Variants in L2HGDH observed in about 807,000 individuals in gnomAD.
L2HGDH encodes the protein L-2-hydroxyglutarate dehydrogenase, mitochondrial.
A neutral mutation model predicts 51.5 loss-of-function variants in L2HGDH; 34 were observed. The observed-to-expected ratio is 0.66, with a 90% CI of 0.50 to 0.88. L2HGDH has a LOEUF of 0.88. L2HGDH is among the 40% of genes least tolerant of loss of function. The pLI is 0.00. For missense variants in L2HGDH, 558 were observed against 571.9 expected (o/e 0.98, Z 0.25); for synonymous variants, 198 against 197.9 (o/e 1.00, Z -0.01).
At chr14:50,293,998 C>T (rs2029889463) in intron 4 of L2HGDH, 117 bp downstream of exon 4, 1 of 1,217,028 alleles carries the variant, frequency 8.2e-7, no homozygotes, top group African/African-American at 1.5e-5. Context: ...TTCACTACTT[C>T]TGTGACAGGA....
chr14:50,295,725 C>T (rs1472474702), intron 3 of L2HGDH, among the ~76,000 whole-genome samples: 1 of 145,950 alleles, frequency 6.9e-6, no homozygotes, highest in Non-Finnish European at 1.5e-5. Flanking sequence ...TCCAGCCCTA[C>T]AATTTTTTTT....
intron 6 of L2HGDH, among the ~76,000 whole-genome samples, chr14:50,276,049 C>G (rs934214498): frequency 2.0e-5 from 3 of 152,164 alleles, no homozygotes; most frequent in Non-Finnish European, 4.4e-5. Flanking sequence ...TCCTGACTCT[C>G]AAGAAAATGA....
At chr14:50,249,470 G>A (rs1888209204) in intron 9 of L2HGDH, among the ~76,000 whole-genome samples, 1 of 152,224 alleles carries the variant, frequency 6.6e-6, no homozygotes, top group Non-Finnish European at 1.5e-5. Flanking sequence ...CTCAGCCACA[G>A]TAGGATATGG....
At chr14:50,295,706 G>A (rs1399340729) in intron 3 of L2HGDH, among the ~76,000 whole-genome samples, 2 of 145,328 alleles carry the variant, frequency 1.4e-5, no homozygotes, top group African/African-American at 5.1e-5. Flanking sequence ...ACAGGCATAA[G>A]CCACTGAGTC....
At chr14:50,275,342 A>G (rs1346195818) in intron 6 of L2HGDH, among the ~76,000 whole-genome samples, 1 of 152,224 alleles carries the variant, frequency 6.6e-6, no homozygotes, top group Non-Finnish European at 1.5e-5. Context: ...ATAGCAACAG[A>G]GCCACTGATG....
intron 3 of L2HGDH, among the ~76,000 whole-genome samples, chr14:50,301,148 C>T (rs1350948475): frequency 6.6e-6 from 1 of 152,084 alleles, no homozygotes; most frequent in Non-Finnish European, 1.5e-5. Context: ...ACTAGGATGG[C>T]TAAAATAGAA....
chr14:50,258,711 G>A (rs971883956), intron 9 of L2HGDH, among the ~76,000 whole-genome samples: 2 of 151,870 alleles, frequency 1.3e-5, no homozygotes, highest in Non-Finnish European at 2.9e-5. Context: ...ATGGGGTCTT[G>A]CTATATTGTC....
chr14:50,289,682 T>A (rs886883069), intron 4 of L2HGDH, among the ~76,000 whole-genome samples: 4 of 152,212 alleles, frequency 2.6e-5, no homozygotes, highest in Non-Finnish European at 5.9e-5. Context: ...CAAAAAAGCA[T>A]ATAATAATAT....
intron 6 of L2HGDH, among the ~76,000 whole-genome samples, chr14:50,271,072 A>G (rs1395694391): frequency 6.6e-6 from 1 of 151,850 alleles, no homozygotes; most frequent in East Asian, 1.9e-4. Flanking sequence ...GGCTCACTAC[A>G]GCCTCAACCT....
chr14:50,277,758 G>T (rs1162822610), intron 6 of L2HGDH, among the ~76,000 whole-genome samples: 2 of 147,324 alleles, frequency 1.4e-5, no homozygotes, highest in African/African-American at 2.5e-5. Flanking sequence ...GGGCGACACA[G>T]TGAGACTCCG....
chr14:50,270,055 A>C (rs922602632), intron 6 of L2HGDH, among the ~76,000 whole-genome samples: 3 of 152,154 alleles, frequency 2.0e-5, no homozygotes, highest in African/African-American at 7.2e-5. Flanking sequence ...GCCCAGTTGC[A>C]ACTGTAACCT....
chr14:50,305,956 T>C (rs2030696598), intron 1 of L2HGDH, among the ~76,000 whole-genome samples: 1 of 152,214 alleles, frequency 6.6e-6, no homozygotes, highest in Non-Finnish European at 1.5e-5. Context: ...AATTGTGTTA[T>C]TTTTTACTGT....
At chr14:50,287,151 C>T in intron 4 of L2HGDH, 1 of 976,000 alleles carries the variant, frequency 1.0e-6, no homozygotes, top group Non-Finnish European at 1.2e-6. Flanking sequence ...ATTACCTATG[C>T]ACACATATCT....
At position 50,303,284 on chromosome 14, in the gene L2HGDH, T is replaced by A. The variant is rs188629530; in HGVS notation, c.141-267A>T. Among the ~76,000 whole-genome samples the A allele has an allele frequency of 2.5e-3, 382 of 151,492 alleles. 2 individuals are homozygous for A. In the Middle Eastern group the frequency reaches 0.062, roughly 25 times the overall value. On this transcript the variant is annotated intron_variant, in intron 1 of 9. Coordinates refer to ENST00000267436, the MANE Select transcript of L2HGDH (RefSeq NM_024884.3). The stretch of plus-strand genomic sequence containing the variant: ...TAAAAATACAAAAATTAGCTGGGCG[T>A]GGTGGCGCGTGCCTGTAGTCCCAGC...
At chr14:50,289,431 G>A (rs547699260) in intron 4 of L2HGDH, among the ~76,000 whole-genome samples, 133 of 152,182 alleles carry the variant, frequency 8.7e-4, no homozygotes, top group Non-Finnish European at 1.7e-3. Flanking sequence ...TCTACACAGT[G>A]CGTTACAAAA....
chr14:50,283,879 C>T lies in L2HGDH; in HGVS notation c.695G>A (p.Ser232Asn). 6.2e-7 allele frequency: 1 copy of T among 1,613,884 alleles called. No homozygotes were observed. Reference protein sequence around the residue: ...IEMAKESPSRSIDGMQYPIVI... With the variant: ...IEMAKESPSRNIDGMQYPIVI... ...AGACAAGGATGGCTTACCATCTATA[C>T]TTCTTGAAGGACTTTCTTTAGCCAT... is the stretch of plus-strand genomic sequence containing the variant. The change falls in exon 5 of 10, where the codon AGT becomes AAT. Residue 232 changes from serine to asparagine, a missense_variant. Physicochemically the swap from Ser to Asn is conservative, Grantham distance 46 (BLOSUM62 1). This residue lies in a region of L2HGDH where 321 missense variants were observed against 311.8 expected (regional missense o/e 1.03). Transcript: ENST00000267436.
intron 1 of L2HGDH, among the ~76,000 whole-genome samples, chr14:50,308,759 C>T (rs1226945582): frequency 1.3e-5 from 2 of 152,162 alleles, no homozygotes; most frequent in Non-Finnish European, 2.9e-5. Context: ...CAGTCTTGGG[C>T]ATTTATTCCA....
chr14:50,283,570 A>G (rs1156481425), intron 5 of L2HGDH, among the ~76,000 whole-genome samples: 1 of 152,176 alleles, frequency 6.6e-6, no homozygotes, highest in Non-Finnish European at 1.5e-5. Context: ...CCCCACAAAT[A>G]CCAAAATTCA....
Position 50,278,547 on chromosome 14 carries a change from T to C in L2HGDH, c.711A>G (p.Gln237=), listed in dbSNP as rs753394786. Residue 237 remains glutamine (Q), a synonymous_variant, in exon 6 of 10, where the codon CAA becomes CAG. Transcript: ENST00000267436. ...TTGTATTCTTTATAACAATTGGATA[T>C]TGCATTCCTGAAAAAAAAGAATAAG... is the stretch of plus-strand genomic sequence containing the variant. ...ESPSRSIDGM[Q]YPIVIKNTKG... The C allele has an allele frequency of 2.7e-6, 4 of 1,457,720 alleles. No homozygotes were observed. The highest frequency in any genetic ancestry group is 1.2e-5 in the South Asian group (1 of 83,660). The allele number at this position is 1,457,720 out of a possible 1,614,324, so 90.3% of individuals were successfully genotyped here.
Sources: gnomAD v4.1 joint callset for allele counts (sites outside exome capture counted in the v4.1 genomes callset) on GRCh38, gnomAD v4.1.1 for gene constraint, gnomAD v4.1.1 regional missense constraint, MANE v1.5 for transcripts, NCBI Gene and HGNC (gene_info 2026-07-23, HGNC 2026-07-21) for gene names.